Variants in NRXN1 observed in about 807,000 individuals in gnomAD.
NRXN1 encodes neurexin-1.
Under a neutral mutation model 150.9 loss-of-function variants are expected in NRXN1, and 39 were observed. That is an observed-to-expected ratio of 0.26 (90% CI 0.20 to 0.34). The LOEUF is 0.34. NRXN1 is among the 10% of genes least tolerant of loss of function. The pLI is 1.00. For missense variants in NRXN1, 1,815 were observed against 1,949.9 expected, an observed-to-expected ratio of 0.93 and a Z score of 1.30; for synonymous variants, 924 against 757.0, an observed-to-expected ratio of 1.22 and a Z score of -3.62.
In NRXN1 at chr2:50,943,729, T is replaced by C. The variant is rs143969553; in HGVS notation, c.773-17774A>G. Among the ~76,000 whole-genome samples the C allele has an allele frequency of 5.9e-5, 9 of 152,252 alleles. No individual in the cohort carries two copies. The East Asian group carries it at 1.7e-3, about 29-fold the overall frequency. On this transcript the variant is annotated intron_variant, in intron 2 of 22. Transcript: ENST00000401669. ...GGTAAAAATAAAAGAAGGCTCATGA[T>C]CACCTAGCCCAGATCAGTCTTCCAC... is the stretch of plus-strand genomic sequence containing the variant.
At chr2:49,926,450 T>C (rs1669121548) in intron 22 of NRXN1, 2 of 398,156 alleles carry the variant, frequency 5.0e-6, no homozygotes, top group South Asian at 2.5e-4. Flanking sequence ...ATATGTATTG[T>C]GGTAACTTCG....
chr2:50,464,631 CAT>C (rs1404070439), intron 17 of NRXN1, among the ~76,000 whole-genome samples: 1 of 151,934 alleles, frequency 6.6e-6, no homozygotes, highest in African/African-American at 2.4e-5. Context: ...GCACTGACAA[CAT>C]ATAGCACGTA....
At chr2:50,762,037 C>A (rs959316996) in intron 5 of NRXN1, among the ~76,000 whole-genome samples, 14 of 151,708 alleles carry the variant, frequency 9.2e-5, no homozygotes, top group South Asian at 2.1e-4. Flanking sequence ...TGCTCCTCAT[C>A]TTGCAGAAGG....
chr2:49,979,493 T>C (rs1679603584), intron 21 of NRXN1, among the ~76,000 whole-genome samples: 1 of 123,924 alleles, frequency 8.1e-6, no homozygotes, highest in Non-Finnish European at 1.8e-5. Context: ...AAGCCTTGAG[T>C]ATTCTCCTTT....
chr2:50,095,693 G>C (rs1315713693), intron 18 of NRXN1, among the ~76,000 whole-genome samples: 2 of 151,184 alleles, frequency 1.3e-5, no homozygotes, highest in African/African-American at 4.9e-5. Flanking sequence ...ATAGGATTTG[G>C]TTTTTTTGCA....
intron 2 of NRXN1, among the ~76,000 whole-genome samples, chr2:50,988,433 G>A (rs1257199099): frequency 6.6e-6 from 1 of 151,830 alleles, no homozygotes; most frequent in Admixed American, 6.6e-5. Flanking sequence ...AGTTTTGTTT[G>A]GACAAATAAG....
chr2:50,764,280 A>G (rs1008595710), intron 5 of NRXN1, among the ~76,000 whole-genome samples: 1 of 151,918 alleles, frequency 6.6e-6, no homozygotes, highest in Admixed American at 6.6e-5. Flanking sequence ...GCATGACATA[A>G]AGCAAATGTG....
At chr2:50,405,519 T>G (rs542693713) in intron 17 of NRXN1, among the ~76,000 whole-genome samples, 2 of 152,212 alleles carry the variant, frequency 1.3e-5, no homozygotes, top group East Asian at 3.9e-4. Context: ...AAAACAAAAC[T>G]TCTTTCTATT....
At position 49,920,691 on chromosome 2, in the gene NRXN1, T is replaced by G. The variant is rs904216705; in HGVS notation, c.*1253A>C. ...TTCCAGCATATCTGATGGATTGCTG[T>G]GGATTCGTGTGTGTGTGTGTGTGTG... On this transcript the variant is annotated 3_prime_UTR_variant, in exon 23 of 23. Coordinates refer to ENST00000401669, the MANE Select transcript of NRXN1 (RefSeq NM_001330078.2). 7.7e-6 allele frequency: 1 copy of G among 129,824 alleles called. No individual in the cohort carries two copies. Among genetic ancestry groups the G allele is most frequent in the Admixed American group, 8.8e-5 (1 of 11,416 alleles). 8.0% of individuals were successfully genotyped at this position (129,824 alleles called of 1,614,324 possible).
intron 18 of NRXN1, among the ~76,000 whole-genome samples, chr2:50,139,124 G>C (rs1706857168): frequency 6.6e-6 from 1 of 152,146 alleles, no homozygotes; most frequent in East Asian, 1.9e-4. Flanking sequence ...TCAGGCATTT[G>C]AGACTAGCCT....
chr2:50,850,155 G>A (rs529265492), intron 5 of NRXN1, among the ~76,000 whole-genome samples: 1 of 151,528 alleles, frequency 6.6e-6, no homozygotes, highest in East Asian at 1.9e-4. Flanking sequence ...TTGAGCCCAG[G>A]CAGTTGCAGC....
At chr2:50,110,473 C>CA (rs1702233656) in intron 18 of NRXN1, among the ~76,000 whole-genome samples, 1 of 109,022 alleles carries the variant, frequency 9.2e-6, no homozygotes, top group Non-Finnish European at 1.7e-5. Context: ...GCCTGGGCGA[C>CA]AGAGTGAGAC....
intron 2 of NRXN1, among the ~76,000 whole-genome samples, chr2:51,003,386 A>G (rs938762665): frequency 6.6e-6 from 1 of 152,026 alleles, no homozygotes; most frequent in Admixed American, 6.6e-5. Flanking sequence ...TACGATTCTA[A>G]TTACTAAATA....
At chr2:50,045,675 A>T (rs1419394791) in intron 21 of NRXN1, among the ~76,000 whole-genome samples, 1 of 152,240 alleles carries the variant, frequency 6.6e-6, no homozygotes. Flanking sequence ...TAAGACAATT[A>T]AACTAGGTTA....
intron 5 of NRXN1, among the ~76,000 whole-genome samples, chr2:50,899,926 G>A (rs938678790): frequency 6.6e-6 from 1 of 152,118 alleles, no homozygotes; most frequent in Non-Finnish European, 1.5e-5. Flanking sequence ...GACGTCATGG[G>A]AGATACAGAA....
chr2:50,857,036 C>G (rs1302588606), intron 5 of NRXN1, among the ~76,000 whole-genome samples: 1 of 152,054 alleles, frequency 6.6e-6, no homozygotes, highest in Non-Finnish European at 1.5e-5. Flanking sequence ...ATTAAGTTGG[C>G]TAAACTTTTG....
intron 18 of NRXN1, among the ~76,000 whole-genome samples, chr2:50,225,597 G>A (rs148000842): frequency 1.2e-4 from 18 of 151,980 alleles, no homozygotes; most frequent in African/African-American, 3.9e-4. Flanking sequence ...TATAATCCAG[G>A]CCTCAAAGAT....
intron 17 of NRXN1, among the ~76,000 whole-genome samples, chr2:50,410,061 T>C (rs1196247857): frequency 6.6e-6 from 1 of 152,130 alleles, no homozygotes. Flanking sequence ...GTCCTTCCCA[T>C]CAGTGCCTGA....
intron 22 of NRXN1, among the ~76,000 whole-genome samples, chr2:49,933,248 G>A (rs1278104698): frequency 1.3e-5 from 2 of 151,852 alleles, no homozygotes; most frequent in East Asian, 3.9e-4. Flanking sequence ...CACCACGCCC[G>A]GCTAATTTTT....
Sources: gnomAD v4.1 joint callset for allele counts (sites outside exome capture counted in the v4.1 genomes callset) on GRCh38, gnomAD v4.1.1 for gene constraint, MANE v1.5 for transcripts, NCBI Gene and HGNC (gene_info 2026-07-23, HGNC 2026-07-21) for gene names.